The following IL20RB variants were observed in gnomAD, a reference collection of about 807,000 sequenced individuals.
The protein encoded by IL20RB is interleukin 20 receptor subunit beta.
In IL20RB, 21 loss-of-function variants were observed where a neutral mutation model predicts 33.3. The observed-to-expected ratio is 0.63, with a 90% CI of 0.45 to 0.91. The LOEUF (loss-of-function observed/expected upper bound fraction) is 0.91. IL20RB is among the 40% of genes least tolerant of loss of function. IL20RB has a pLI of 0.00. For synonymous variants in IL20RB, 147 were observed against 146.8 expected, an observed-to-expected ratio of 1.00 and a Z score of -0.01; for missense variants, 345 against 384.8, an observed-to-expected ratio of 0.90 and a Z score of 0.86.
intron 6 of IL20RB, among the ~76,000 whole-genome samples, chr3:137,004,563 A>G (rs1031649313): frequency 6.6e-6 from 1 of 152,216 alleles, no homozygotes; most frequent in African/African-American, 2.4e-5. Flanking sequence ...AGAGGTGTTT[A>G]TAGTATTCTC....
At chr3:136,981,170 T>A (rs1941763421) in intron 2 of IL20RB, among the ~76,000 whole-genome samples, 1 of 152,234 alleles carries the variant, frequency 6.6e-6, no homozygotes, top group South Asian at 2.1e-4. Context: ...TTTCTGGATT[T>A]TGAGAGCTTA....
chr3:137,009,147 C>T (rs1933013314), intron 6 of IL20RB, among the ~76,000 whole-genome samples: 3 of 152,162 alleles, frequency 2.0e-5, no homozygotes, highest in Admixed American at 1.3e-4. Context: ...TGAAGGGAGA[C>T]TGGCTCAATG....
intron 3 of IL20RB, among the ~76,000 whole-genome samples, chr3:136,982,741 G>A (rs867260310): frequency 2.0e-5 from 3 of 152,124 alleles, no homozygotes; most frequent in Admixed American, 6.6e-5. Flanking sequence ...TACTGCCCAC[G>A]TAAGCAGCTT....
intron 6 of IL20RB, among the ~76,000 whole-genome samples, chr3:137,007,237 C>T (rs1443501708): frequency 6.6e-6 from 1 of 151,828 alleles, no homozygotes; most frequent in Non-Finnish European, 1.5e-5. Context: ...TTAGGCTACA[C>T]GGGGGTCAGT....
At chr3:136,992,502 T>C (rs1942053108) in intron 5 of IL20RB, among the ~76,000 whole-genome samples, 1 of 152,210 alleles carries the variant, frequency 6.6e-6, no homozygotes, top group Admixed American at 6.5e-5. Context: ...AGGGACCTTA[T>C]GGAAAGCCTA....
At chr3:136,978,278 G>A (rs1176085152) in intron 1 of IL20RB, among the ~76,000 whole-genome samples, 2 of 150,728 alleles carry the variant, frequency 1.3e-5, no homozygotes, top group South Asian at 2.1e-4. Context: ...CAAGTCTCCT[G>A]CCTCAGCCTC....
chr3:136,963,701 T>A (rs1369046706), intron 1 of IL20RB, among the ~76,000 whole-genome samples: 24 of 147,350 alleles, frequency 1.6e-4, no homozygotes, highest in Non-Finnish European at 3.1e-4. Flanking sequence ...TTATTTTTTT[T>A]TTTTATTATA....
chr3:136,974,614 T>C (rs1227746272), intron 1 of IL20RB, among the ~76,000 whole-genome samples: 1 of 152,170 alleles, frequency 6.6e-6, no homozygotes, highest in Non-Finnish European at 1.5e-5. Context: ...CATTTTACAT[T>C]GTATCTCTCT....
At chr3:136,986,567 C>T in intron 3 of IL20RB, 1 of 417,130 alleles carries the variant, frequency 2.4e-6, no homozygotes, top group East Asian at 7.1e-5. Flanking sequence ...GTGTTTTGCA[C>T]AGTTGGCCCT....
chr3:136,984,887 A>G (rs552375144), intron 3 of IL20RB, among the ~76,000 whole-genome samples: 1 of 152,274 alleles, frequency 6.6e-6, no homozygotes, highest in East Asian at 1.9e-4. Flanking sequence ...AGGGCACTGC[A>G]AAACTGCCAC....
intron 1 of IL20RB, among the ~76,000 whole-genome samples, chr3:136,963,477 C>A (rs915510791): frequency 6.6e-6 from 1 of 152,078 alleles, no homozygotes; most frequent in Admixed American, 6.6e-5. Flanking sequence ...AAACTTTTAG[C>A]CATTCTGATA....
intron 5 of IL20RB, among the ~76,000 whole-genome samples, chr3:136,993,687 C>T (rs190195150): frequency 4.5e-4 from 68 of 151,786 alleles, no homozygotes; most frequent in Non-Finnish European, 6.2e-4. Context: ...TTTCTGTTCT[C>T]GCGATAGTTT....
intron 4 of IL20RB, among the ~76,000 whole-genome samples, chr3:136,989,811 G>T (rs1398386362): frequency 2.6e-5 from 4 of 152,144 alleles, no homozygotes; most frequent in African/African-American, 9.7e-5. Context: ...GTATGGGGCT[G>T]CCCCCTTACC....
Position 136,982,288 on chromosome 3 carries a change from C to T in IL20RB, c.344C>T (p.Ala115Val). 3 of 1,610,320 alleles carry T rather than the reference C, an allele frequency of 1.9e-6. No homozygotes were observed. Among genetic ancestry groups the T allele is most frequent in the Non-Finnish European group, 2.5e-6 (3 of 1,177,106 alleles). The change falls in exon 3 of 7, where the codon GCC (alanine) becomes GTC (valine). Residue 115 changes from alanine to valine, a missense_variant. Ala to Val is a moderately conservative substitution (Grantham distance 64). Coordinates refer to ENST00000329582, the MANE Select transcript of IL20RB (RefSeq NM_144717.4). ...ATVPYNLRVR[A>V]TLGSQTSAWS... ...GTGCCATACAACCTTCGTGTCAGGG[C>T]CACATTGGGCTCACAGACCTCAGCC...
intron 4 of IL20RB, among the ~76,000 whole-genome samples, 155 bp from the exon 5 acceptor site, chr3:136,991,783 T>C (rs1176893669): frequency 1.3e-5 from 2 of 152,138 alleles, no homozygotes; most frequent in Non-Finnish European, 2.9e-5. Context: ...TAATTTTTTA[T>C]TTGTAGTAGA....
chr3:136,995,850 A>G (rs1244168922), intron 6 of IL20RB, among the ~76,000 whole-genome samples: 1 of 152,196 alleles, frequency 6.6e-6, no homozygotes, highest in Non-Finnish European at 1.5e-5. Flanking sequence ...TCAGCATTGC[A>G]GGAGTCACTC....
At chr3:136,990,702 G>T (rs532561499) in intron 4 of IL20RB, among the ~76,000 whole-genome samples, 11 of 152,186 alleles carry the variant, frequency 7.2e-5, no homozygotes, top group African/African-American at 2.7e-4. Flanking sequence ...CAGGCCAAGG[G>T]TACCCTTGAT....
chr3:136,982,308 TCAGCC>T lies in IL20RB; in HGVS notation c.365_369del (p.Ser122LeufsTer9), dbSNP rs1560070553. ...CAGGGCCACATTGGGCTCACAGACCTCAGCCTGGAGCATCCTGAAGCATCCCTTTA... is the reference window on the plus strand; with the variant it reads ...CAGGGCCACATTGGGCTCACAGACCTTGGAGCATCCTGAAGCATCCCTTTA... On this transcript the variant is annotated frameshift_variant, in exon 3 of 7. Transcript: ENST00000329582. LOFTEE classifies it high-confidence loss of function. 1 of 1,608,216 alleles carries T rather than the reference TCAGCC, an allele frequency of 6.2e-7. No individual in the cohort carries two copies. Among genetic ancestry groups the T allele is most frequent in the South Asian group, 1.1e-5 (1 of 90,790 alleles).
intron 1 of IL20RB, among the ~76,000 whole-genome samples, chr3:136,962,892 G>A (rs1397357371): frequency 1.3e-5 from 2 of 149,810 alleles, no homozygotes; most frequent in Non-Finnish European, 3.0e-5. Context: ...AAAAGCATTA[G>A]GGGAAAAACT....
Sources: allele counts gnomAD v4.1 joint callset (sites outside exome capture counted in the v4.1 genomes callset), GRCh38; gene constraint gnomAD v4.1.1; transcripts MANE v1.5; gene names NCBI Gene and HGNC (gene_info 2026-07-23, HGNC 2026-07-21).